HDAC4: variants seen among roughly 807,000 people sequenced by gnomAD.
The protein encoded by HDAC4 is histone deacetylase A.
In HDAC4, 16 loss-of-function variants were observed where a neutral mutation model predicts 135.1. That is an observed-to-expected ratio of 0.12 (90% CI 0.08 to 0.18). The LOEUF is 0.18. Among genes scored for constraint, HDAC4 ranks in the 10% least tolerant of loss-of-function variants. HDAC4 has a pLI of 1.00. For synonymous variants in HDAC4, 685 were observed against 653.4 expected, an observed-to-expected ratio of 1.05 and a Z score of -0.74; for missense variants, 1,143 against 1,511.8, an observed-to-expected ratio of 0.76 and a Z score of 4.05.
chr2:239,077,158 C>A (rs900433624), intron 22 of HDAC4, among the ~76,000 whole-genome samples: 2 of 152,348 alleles, frequency 1.3e-5, no homozygotes, highest in Non-Finnish European at 2.9e-5. Context: ...CAGAGCTGGC[C>A]GTGATGCTTC....
intron 6 of HDAC4, chr2:239,162,068 C>A: frequency 4.4e-6 from 2 of 451,362 alleles, no homozygotes; most frequent in Non-Finnish European, 4.5e-6. Context: ...TTCTTCCATG[C>A]TGCCGTGGCC....
At chr2:239,086,699 T>G (rs1010669489) in intron 19 of HDAC4, among the ~76,000 whole-genome samples, 3 of 152,244 alleles carry the variant, frequency 2.0e-5, no homozygotes, top group Non-Finnish European at 2.9e-5. Flanking sequence ...GACTGCTTCC[T>G]GGCCACAGCC....
rs78499024 is a variant in HDAC4 at position 239,061,329 on chromosome 2, G to A, written c.3003+5393C>T. On this transcript the variant is annotated intron_variant, in intron 24 of 26. Coordinates refer to ENST00000543185, the MANE Select transcript of HDAC4 (RefSeq NM_001378414.1). ...TGTGTGGTGTGTGCATGCACAAGAG[G>A]GCATACCTGTGTGGTGCATGTGATG... 6.6e-3 allele frequency among the ~76,000 whole-genome samples: 997 copies of A among 150,912 alleles called. 2 individuals carry two copies. Among genetic ancestry groups the A allele is most frequent in the Middle Eastern group, 0.017 (5 of 286 alleles).
chr2:239,288,518 C>T (rs1322695459), intron 2 of HDAC4, among the ~76,000 whole-genome samples: 1 of 152,086 alleles, frequency 6.6e-6, no homozygotes, highest in Non-Finnish European at 1.5e-5. Flanking sequence ...AGCATCGTTA[C>T]TTTAACAGTC....
At position 239,236,574 on chromosome 2, in the gene HDAC4, C is replaced by T; in HGVS notation, c.94+19G>A. On this transcript the variant is annotated intron_variant, in intron 3 of 26. Coordinates refer to ENST00000543185, the MANE Select transcript of HDAC4 (RefSeq NM_001378414.1). ...TCAGCGCAGGGCCGGCCGGACAGGG[C>T]AGGGGTGGGCGGACTTACCCGTGCT... 1.3e-6 allele frequency: 2 copies of T among 1,548,040 alleles called. No individual in the cohort carries two copies. The highest frequency in any genetic ancestry group is 1.4e-5 in the African/African-American group (1 of 73,084).
chr2:239,113,089 A>G (rs1403814765), intron 13 of HDAC4, among the ~76,000 whole-genome samples: 1 of 152,082 alleles, frequency 6.6e-6, no homozygotes, highest in Admixed American at 6.5e-5. Flanking sequence ...AAACAAACAA[A>G]CAAACAAAAA....
At chr2:239,179,725 G>A (rs965280809) in intron 4 of HDAC4, among the ~76,000 whole-genome samples, 16 of 152,254 alleles carry the variant, frequency 1.1e-4, no homozygotes, top group African/African-American at 3.6e-4. Flanking sequence ...GGATTACATC[G>A]GACGGGCAGA....
chr2:239,084,257 T>G lies in HDAC4; in HGVS notation c.2445-15A>C. The G allele has an allele frequency of 6.3e-7, 1 of 1,598,506 alleles. No homozygotes were observed. The highest frequency in any genetic ancestry group is 8.6e-7 in the Non-Finnish European group (1 of 1,168,716). On this transcript the variant is annotated splice_polypyrimidine_tract_variant and intron_variant, in intron 19 of 26. Transcript: ENST00000543185. ...AGCAAAAGCCCCTGCGGGAGAGAACTGACGCTGGAGACGAAGCGCAGGTGG... is the reference window on the plus strand; with the variant it reads ...AGCAAAAGCCCCTGCGGGAGAGAACGGACGCTGGAGACGAAGCGCAGGTGG...
rs1363308959 is a variant in HDAC4, at chr2:239,139,132, C to T, written c.978+552G>A. Among the ~76,000 whole-genome samples, 4 of 152,248 alleles carry T rather than the reference C, an allele frequency of 2.6e-5. No individual in the cohort carries two copies. The highest frequency in any genetic ancestry group is 4.1e-4 in the South Asian group (2 of 4,826). On this transcript the variant is annotated intron_variant, in intron 9 of 26. Transcript: ENST00000543185. This position sits in a 1 kb window ranked among gnomAD's most constrained non-coding sequence, Gnocchi z 5.3. ...GTTCCCGTGATGCCTGGAAAAGTTC[C>T]CCGCTCTGTGGCTTTGGCCGGCCCT...
intron 2 of HDAC4, among the ~76,000 whole-genome samples, chr2:239,247,765 C>T (rs993232032): frequency 6.6e-6 from 1 of 152,118 alleles, no homozygotes; most frequent in African/African-American, 2.4e-5. Flanking sequence ...TGGCCATTTG[C>T]GGAAAGTCTA....
chr2:239,209,282 CG>C (rs2046236658), intron 3 of HDAC4, among the ~76,000 whole-genome samples: 1 of 152,190 alleles, frequency 6.6e-6, no homozygotes, highest in African/African-American at 2.4e-5. Context: ...TCTCTCCAAA[CG>C]GAACTACAGG....
chr2:239,190,165 T>A, intron 3 of HDAC4, 88 bp from the exon 4 acceptor site: 2 of 1,245,364 alleles, frequency 1.6e-6, no homozygotes, highest in Non-Finnish European at 2.1e-6. Context: ...ACTGGCCACC[T>A]TCACGGGGCG....
chr2:239,367,990 T>C (rs1213333885), intron 1 of HDAC4, among the ~76,000 whole-genome samples: 1 of 151,954 alleles, frequency 6.6e-6, no homozygotes, highest in Non-Finnish European at 1.5e-5. Context: ...AATAAATAAA[T>C]AAATAAATAA....
chr2:239,108,129 C>A lies in HDAC4; in HGVS notation c.2033G>T (p.Ser678Ile). 1 of 1,608,086 alleles carries A rather than the reference C, an allele frequency of 6.2e-7. No homozygotes were observed. Among genetic ancestry groups the A allele is most frequent in the Non-Finnish European group, 8.5e-7 (1 of 1,178,538 alleles). ...CCTCCCGGCGTGCTCGGGGTGGCTG[C>A]TGCTACTCCCGCAGGTGCACTGGTG... ...LKHQCTCGSS[S>I]SHPEHAGRIQ... Residue 678 changes from serine to isoleucine, a missense_variant, in exon 15 of 27, where the codon AGC becomes ATC. Ser to Ile is a moderately radical substitution (Grantham distance 142, BLOSUM62 -2). Around this residue, in one of 9 missense-constraint regions of HDAC4, gnomAD observed 47 missense variants for 117.2 expected, o/e 0.40. Coordinates refer to ENST00000543185, the MANE Select transcript of HDAC4 (RefSeq NM_001378414.1).
chr2:239,078,404 G>A (rs200003310), intron 22 of HDAC4, among the ~76,000 whole-genome samples: 2 of 54,012 alleles, frequency 3.7e-5, no homozygotes, highest in African/African-American at 5.2e-5. Context: ...CATTGTCCCC[G>A]GGGGGCCCCC....
At chr2:239,322,626 A>G (rs2125773229) in intron 2 of HDAC4, among the ~76,000 whole-genome samples, 1 of 152,336 alleles carries the variant, frequency 6.6e-6, no homozygotes, top group South Asian at 2.1e-4. Flanking sequence ...GTGGTTCACC[A>G]GTAGACCCCA....
chr2:239,352,614 G>C lies in HDAC4; in HGVS notation c.22+64C>G, dbSNP rs1433349418. The C allele has an allele frequency of 1.6e-5, 24 of 1,474,200 alleles. No individual in the cohort carries two copies. The highest frequency in any genetic ancestry group is 2.1e-5 in the Non-Finnish European group (23 of 1,076,510). The allele number at this position is 1,474,200 out of a possible 1,614,324, so 91.3% of individuals were successfully genotyped here. A position where few individuals can be genotyped will look rare whatever the true frequency, so the allele number is the denominator to read the frequency against. On this transcript the variant is annotated intron_variant, in intron 2 of 26. Transcript: ENST00000543185. The surrounding 1 kb of genome is among the most constrained non-coding windows in gnomAD (Gnocchi z 4.4). ...TCCAGAAAGCAAGCTGCAGTCACAA[G>C]AACTTCTACTTTGGGCAAAGAAAGC...
chr2:239,174,322 A>C (rs766669089), intron 5 of HDAC4, among the ~76,000 whole-genome samples: 1 of 152,242 alleles, frequency 6.6e-6, no homozygotes, highest in Non-Finnish European at 1.5e-5. Context: ...ACTCCAAATC[A>C]AGAAAAAGGG....
At chr2:239,345,547 G>A (rs1403345938) in intron 2 of HDAC4, among the ~76,000 whole-genome samples, 2 of 151,412 alleles carry the variant, frequency 1.3e-5, no homozygotes, top group Non-Finnish European at 2.9e-5. Flanking sequence ...GCAAGACCCT[G>A]TCTAACACAC....
Sources: gnomAD v4.1 joint callset for allele counts (sites outside exome capture counted in the v4.1 genomes callset) on GRCh38, gnomAD v4.1.1 for gene constraint, gnomAD v4.1.1 regional missense constraint, Gnocchi (gnomAD v3.1) non-coding constraint, MANE v1.5 for transcripts, NCBI Gene and HGNC (gene_info 2026-07-23, HGNC 2026-07-21) for gene names.